The following MYH15 variants were observed in gnomAD, a reference collection of about 807,000 sequenced individuals.
MYH15 encodes myosin heavy chain 15, also known as myosin-15.
In MYH15, 227 loss-of-function variants were observed where a neutral mutation model predicts 240.5. The observed-to-expected ratio is 0.94, with a 90% CI of 0.85 to 1.05. The LOEUF (loss-of-function observed/expected upper bound fraction) is 1.05. Among genes scored for constraint, MYH15 ranks in the 50% least tolerant of loss-of-function variants. MYH15 has a pLI of 0.00. For synonymous variants in MYH15, 785 were observed against 796.7 expected, an observed-to-expected ratio of 0.99 and a Z score of 0.25; for missense variants, 2,217 against 2,247.5, an observed-to-expected ratio of 0.99 and a Z score of 0.27.
chr3:108,467,902 C>A (rs1164369929), intron 14 of MYH15, among the ~76,000 whole-genome samples: 2 of 151,762 alleles, frequency 1.3e-5, no homozygotes, highest in African/African-American at 2.4e-5. Flanking sequence ...TCACGGTAAA[C>A]TTGAAGACCA....
At chr3:108,479,936 C>G (rs919689658) in intron 11 of MYH15, among the ~76,000 whole-genome samples, 41 of 152,124 alleles carry the variant, frequency 2.7e-4, no homozygotes, top group Non-Finnish European at 5.4e-4. Context: ...AATTTTTGAG[C>G]TGTTCATATT....
intron 14 of MYH15, among the ~76,000 whole-genome samples, chr3:108,467,540 A>G (rs1352822974): frequency 1.3e-5 from 2 of 152,174 alleles, no homozygotes; most frequent in African/African-American, 2.4e-5. Flanking sequence ...TATTGAAGCC[A>G]ATTTTCTCTT....
rs1368776864 is a variant in MYH15, at chr3:108,428,703, T to A, written c.3491A>T (p.Gln1164Leu). 6.2e-7 allele frequency: 1 copy of A among 1,613,992 alleles called. No homozygotes were observed. Among genetic ancestry groups the A allele is most frequent in the East Asian group, 2.2e-5 (1 of 44,858 alleles). ...EITKKQETKF[Q>L]KLHRDMEEAT... ...CTCTTCCATGTCTCGGTGCAGCTTC[T>A]GGAATTTGGTTTCCTGTTTCTTAGT... The change falls in exon 27 of 41, where the codon CAG becomes CTG. Residue 1164 changes from glutamine (Q) to leucine (L), a missense_variant. Physicochemically the swap from Gln to Leu is moderately radical, Grantham distance 113. Coordinates refer to ENST00000693548, the MANE Select transcript of MYH15 (RefSeq NM_014981.3).
intron 1 of MYH15, among the ~76,000 whole-genome samples, chr3:108,528,251 A>C (rs2083688676): frequency 6.6e-6 from 1 of 152,204 alleles, no homozygotes; most frequent in South Asian, 2.1e-4. Flanking sequence ...CAGGTTATTT[A>C]ATAAATAGAA....
rs368538929 is a variant in MYH15, at chr3:108,500,224, G to A, written c.390C>T (p.Pro130=). 137 of 1,613,856 alleles carry A rather than the reference G, an allele frequency of 8.5e-5. No homozygotes were observed. The highest frequency in any genetic ancestry group is 1.6e-4 in the Middle Eastern group (1 of 6,082). ...CVTINPYKWL[P]VYQKEVMAAY... ...CGGCCATGACTTCTTTCTGATACAC[G>A]GGAAGCCATTTGTAAGGGTTTATGG... The change falls in exon 4 of 41, where the codon CCC becomes CCT. Residue 130 remains proline (P), a synonymous_variant. Coordinates refer to ENST00000693548, the MANE Select transcript of MYH15 (RefSeq NM_014981.3).
At position 108,522,951 on chromosome 3, in the gene MYH15, C is replaced by T. The variant is rs530550704; in HGVS notation, c.-58+6312G>A. 2.0e-5 allele frequency among the ~76,000 whole-genome samples: 3 copies of T among 152,138 alleles called. No individual in the cohort carries two copies. In the South Asian group the frequency reaches 6.2e-4, roughly 32 times the overall value. ...AGATTTACAAAGGAAAGAAAAAATCCTCTCACTTCCAAGGCCCCCATCTTC... is the reference window on the plus strand; with the variant it reads ...AGATTTACAAAGGAAAGAAAAAATCTTCTCACTTCCAAGGCCCCCATCTTC... On this transcript the variant is annotated intron_variant, in intron 1 of 41. Transcript: ENST00000273353.
chr3:108,513,447 G>C (rs1268445675), upstream of MYH15, among the ~76,000 whole-genome samples: 1 of 152,144 alleles, frequency 6.6e-6, no homozygotes, highest in Non-Finnish European at 1.5e-5. Flanking sequence ...ACAATGCTGG[G>C]AGTACCTCAC....
chr3:108,462,681 C>T (rs562158134), intron 16 of MYH15, among the ~76,000 whole-genome samples: 1 of 152,110 alleles, frequency 6.6e-6, no homozygotes, highest in South Asian at 2.1e-4. Context: ...TTGAATAAAT[C>T]AGACATAATC....
At chr3:108,400,670 G>A (rs546534529) in intron 33 of MYH15, among the ~76,000 whole-genome samples, 32 of 152,186 alleles carry the variant, frequency 2.1e-4, no homozygotes, top group South Asian at 1.2e-3. Context: ...TTAGCCAGGC[G>A]TGGTGGCATG....
In MYH15 at chr3:108,416,930, C is replaced by T; in HGVS notation, c.3830G>A (p.Gly1277Asp). ...CTCTTCAAGCCTCCGTAGGAACTCGCCTACAGAAAGATTTCACAAAACTAC... is the reference window on the plus strand; with the variant it reads ...CTCTTCAAGCCTCCGTAGGAACTCGTCTACAGAAAGATTTCACAAAACTAC... ...AQKTKLWSES[G>D]EFLRRLEEKE... The change falls in exon 29 of 41, where the codon GGC (glycine) becomes GAC (aspartate). Residue 1277 changes from glycine (G) to aspartate (D), a missense_variant and splice_region_variant. Transcript: ENST00000693548. 6.2e-7 allele frequency: 1 copy of T among 1,606,818 alleles called. No individual in the cohort carries two copies. Among genetic ancestry groups the T allele is most frequent in the South Asian group, 1.1e-5 (1 of 90,640 alleles).
At chr3:108,491,046 C>T (rs893519259) in intron 9 of MYH15, among the ~76,000 whole-genome samples, 2 of 152,112 alleles carry the variant, frequency 1.3e-5, no homozygotes, top group East Asian at 1.9e-4. Context: ...TGCCACCATG[C>T]CTGGCTAAGT....
chr3:108,505,861 T>C, intron 1 of MYH15, 32 bp from the exon 2 acceptor site: 2 of 1,329,702 alleles, frequency 1.5e-6, no homozygotes, highest in African/African-American at 1.5e-5. Context: ...AAATGGATTA[T>C]AGCTATAGTA....
intron 26 of MYH15, among the ~76,000 whole-genome samples, chr3:108,430,213 GGT>G (rs2082767308): frequency 2.6e-5 from 4 of 152,112 alleles, no homozygotes; most frequent in African/African-American, 9.7e-5. Context: ...TTTGAGTCAT[GGT>G]TATATTACTA....
At chr3:108,437,350 T>C (rs2082847386) in intron 25 of MYH15, among the ~76,000 whole-genome samples, 1 of 152,054 alleles carries the variant, frequency 6.6e-6, no homozygotes, top group African/African-American at 2.4e-5. Context: ...TTCTGTTACG[T>C]CCTTCTAGAT....
intron 28 of MYH15, among the ~76,000 whole-genome samples, chr3:108,419,121 C>T (rs1341613634): frequency 1.3e-5 from 2 of 152,178 alleles, no homozygotes; most frequent in South Asian, 2.1e-4. Context: ...TAATACATCA[C>T]GTATATATCA....
chr3:108,476,289 A>G lies in MYH15; in HGVS notation c.1233+108T>C, dbSNP rs2083219549. 3 of 661,410 alleles carry G rather than the reference A, an allele frequency of 4.5e-6. No homozygotes were observed. In the South Asian group the frequency reaches 9.2e-5, roughly 20 times the overall value. The allele number at this position is 661,410 out of a possible 1,614,324, so 41.0% of individuals were successfully genotyped here. A position where few individuals can be genotyped will look rare whatever the true frequency, so the allele number is the denominator to read the frequency against. ...GAGCTCTTTTTTGCTTATTTATAGA[A>G]GCTTTCATTATTGCAAACATCCTTA... On this transcript the variant is annotated intron_variant, in intron 12 of 40. Transcript: ENST00000693548.
intron 33 of MYH15, among the ~76,000 whole-genome samples, chr3:108,403,492 T>A (rs891306845): frequency 2.6e-5 from 3 of 114,540 alleles, no homozygotes; most frequent in African/African-American, 9.6e-5. Context: ...AATCTTGTGT[T>A]TGGCTTTTTT....
intron 31 of MYH15, among the ~76,000 whole-genome samples, chr3:108,408,795 T>C (rs72622307): frequency 0.082 from 12,457 of 152,230 alleles, 1,342 homozygotes; most frequent in East Asian, 0.51. Context: ...TGCCATTGTT[T>C]CAGCCACCAC....
chr3:108,531,285 C>T (rs781540885), upstream of MYH15, among the ~76,000 whole-genome samples: 5 of 152,140 alleles, frequency 3.3e-5, no homozygotes, highest in East Asian at 7.7e-4. Context: ...GCCGGTGGGA[C>T]CCCAGGGAGA....
Sources: allele counts gnomAD v4.1 joint callset (sites outside exome capture counted in the v4.1 genomes callset), GRCh38; gene constraint gnomAD v4.1.1; transcripts MANE v1.5; gene names NCBI Gene and HGNC (gene_info 2026-07-23, HGNC 2026-07-21).